Variants in HIVEP3 observed in about 807,000 individuals in gnomAD.
HIVEP3 encodes HIVEP zinc finger 3, also known as transcription factor HIVEP3.
Under a neutral mutation model 152.8 loss-of-function variants are expected in HIVEP3, and 49 were observed. The ratio of observed to expected loss-of-function variants is 0.32; its 90% CI spans 0.26 to 0.41. HIVEP3 has a LOEUF of 0.41. Among genes scored for constraint, HIVEP3 ranks in the 10% least tolerant of loss-of-function variants. HIVEP3 has a pLI of 1.00. For missense variants in HIVEP3, 2,790 were observed against 3,103.3 expected, an observed-to-expected ratio of 0.90 and a Z score of 2.40; for synonymous variants, 1,269 against 1,289.0, an observed-to-expected ratio of 0.98 and a Z score of 0.33.
At chr1:41,736,133 C>T (rs1307842361) in intron 1 of HIVEP3, among the ~76,000 whole-genome samples, 4 of 152,284 alleles carry the variant, frequency 2.6e-5, no homozygotes, top group Admixed American at 6.5e-5. Flanking sequence ...CAGCCCTTCA[C>T]GCTCCCACTT....
intron 2 of HIVEP3, among the ~76,000 whole-genome samples, chr1:41,695,841 T>C (rs1457536859): frequency 1.3e-5 from 2 of 152,188 alleles, no homozygotes; most frequent in African/African-American, 2.4e-5. Flanking sequence ...TTTGGACAAA[T>C]AATCCCAACG....
chr1:41,901,736 C>T (rs1329819338), intron 1 of HIVEP3, among the ~76,000 whole-genome samples: 2 of 152,044 alleles, frequency 1.3e-5, no homozygotes, highest in South Asian at 2.1e-4. Context: ...AGGGCTGAAG[C>T]GGAGGAGGGA....
At chr1:41,958,018 A>G (rs186701172) in intron 1 of HIVEP3, among the ~76,000 whole-genome samples, 24 of 152,328 alleles carry the variant, frequency 1.6e-4, no homozygotes, top group Non-Finnish European at 2.4e-4. Context: ...AGTTTGGCAT[A>G]TATGGACTCC....
chr1:41,837,765 C>G (rs1265627774), intron 1 of HIVEP3, among the ~76,000 whole-genome samples: 3 of 152,214 alleles, frequency 2.0e-5, no homozygotes, highest in Non-Finnish European at 4.4e-5. Context: ...CCCTGAATCC[C>G]TAGCCCTGGA....
chr1:41,611,630 T>A (rs1644898002), intron 3 of HIVEP3, among the ~76,000 whole-genome samples: 1 of 152,164 alleles, frequency 6.6e-6, no homozygotes, highest in African/African-American at 2.4e-5. Context: ...CACTTCCCCA[T>A]TTCACCTCCA....
chr1:41,529,956 G>A (rs1213557644), intron 5 of HIVEP3, among the ~76,000 whole-genome samples: 10 of 64,522 alleles, frequency 1.5e-4, no homozygotes, highest in African/African-American at 6.1e-4. Context: ...ACCCTAACAC[G>A]CTCACAGTCA....
intron 1 of HIVEP3, among the ~76,000 whole-genome samples, chr1:41,827,860 T>C (rs889731802): frequency 2.0e-5 from 3 of 151,804 alleles, no homozygotes; most frequent in Non-Finnish European, 2.9e-5. Context: ...TGGGCAGGGC[T>C]TGGGGGGCAT....
chr1:41,584,473 T>G lies in HIVEP3; in HGVS notation c.325A>C (p.Lys109Gln). The change falls in exon 4 of 9, where the codon AAA becomes CAA. Residue 109 changes from lysine to glutamine, a missense_variant. Lys to Gln is a moderately conservative substitution (Grantham distance 53). Around this residue, in one of 9 missense-constraint regions of HIVEP3, gnomAD observed 209 missense variants for 237.0 expected, o/e 0.88. Transcript: ENST00000372583. The surrounding 1 kb of genome is among the most constrained non-coding windows in gnomAD (Gnocchi z 5.2). ...PLTPAFMSPG[K>Q]PEHLLEGSTW... ...GACCCCTCCAGGAGATGCTCAGGTT[T>G]GCCAGGCGACATGAATGCTGGTGTC... 6.2e-7 allele frequency: 1 copy of G among 1,614,096 alleles called. No homozygotes were observed.
intron 2 of HIVEP3, among the ~76,000 whole-genome samples, chr1:41,629,658 C>T (rs1439608320): frequency 6.6e-6 from 1 of 152,004 alleles, no homozygotes; most frequent in Non-Finnish European, 1.5e-5. Context: ...CAAGTGGCCA[C>T]CAAACATGAA....
intron 1 of HIVEP3, chr1:41,847,685 T>A (rs1311423663): frequency 6.6e-6 from 1 of 151,992 alleles, no homozygotes; most frequent in African/African-American, 2.4e-5. Context: ...GCGATGAGAG[T>A]AGAACGCTGA....
Position 41,580,358 on chromosome 1 carries a change from C to A in HIVEP3, c.4440G>T (p.Arg1480Ser). ...VVLTSTEDGK[R>S]PEKSHLGNQG... is the part of the protein sequence containing the mutation. Reference sequence around the variant, plus strand: ...GGTTGCCTAAGTGGGATTTCTCTGGCCTCTTCCCATCCTCGGTGCTGGTAA... The same window carrying A: ...GGTTGCCTAAGTGGGATTTCTCTGGACTCTTCCCATCCTCGGTGCTGGTAA... Residue 1480 changes from arginine to serine, a missense_variant, in exon 4 of 9, where the codon AGG becomes AGT. Transcript: ENST00000372583. The A allele has an allele frequency of 1.2e-6, 2 of 1,614,194 alleles. No homozygotes were observed. The highest frequency in any genetic ancestry group is 2.2e-5 in the South Asian group (2 of 91,084).
intron 1 of HIVEP3, among the ~76,000 whole-genome samples, chr1:41,866,178 G>A (rs1643968994): frequency 6.6e-6 from 1 of 152,238 alleles, no homozygotes; most frequent in Non-Finnish European, 1.5e-5. Context: ...GGGTGCAGCT[G>A]CCTTGGGACT....
intron 3 of HIVEP3, among the ~76,000 whole-genome samples, chr1:41,591,730 G>T (rs1303406887): frequency 6.6e-6 from 1 of 151,918 alleles, no homozygotes; most frequent in Non-Finnish European, 1.5e-5. Context: ...TGGCAGAGCG[G>T]CTCTGTCTTG....
At chr1:41,721,499 C>G (rs1435830834) in intron 1 of HIVEP3, among the ~76,000 whole-genome samples, 2 of 152,148 alleles carry the variant, frequency 1.3e-5, no homozygotes, top group Non-Finnish European at 2.9e-5. Context: ...AGCCACCATG[C>G]CTGACCCTTA....
intron 1 of HIVEP3, among the ~76,000 whole-genome samples, chr1:41,964,491 T>A: frequency 6.6e-6 from 1 of 152,098 alleles, no homozygotes; most frequent in East Asian, 1.9e-4. Flanking sequence ...CAGTGGCCAC[T>A]GGCAGCAGGC....
chr1:41,611,220 A>G (rs1644892285), intron 3 of HIVEP3, among the ~76,000 whole-genome samples: 1 of 152,206 alleles, frequency 6.6e-6, no homozygotes, highest in Non-Finnish European at 1.5e-5. Context: ...ATGGATGATA[A>G]CGTAACCCAG....
At chr1:41,623,312 C>T (rs1645071312) in intron 3 of HIVEP3, among the ~76,000 whole-genome samples, 2 of 152,304 alleles carry the variant, frequency 1.3e-5, no homozygotes, top group Admixed American at 6.5e-5. Flanking sequence ...ACAAGGCTGC[C>T]CCTCTCCAAG....
chr1:41,847,344 T>TTACA (rs934275883), intron 1 of HIVEP3: 8 of 152,218 alleles, frequency 5.3e-5, no homozygotes, highest in African/African-American at 1.4e-4. Flanking sequence ...CTAAGCTTGT[T>TTACA]GCTCTAGAAA....
chr1:41,681,778 A>G (rs904383201), intron 2 of HIVEP3, among the ~76,000 whole-genome samples: 24 of 152,172 alleles, frequency 1.6e-4, no homozygotes, highest in Admixed American at 1.1e-3. Flanking sequence ...GTTCAGCTAC[A>G]TAAGTTCCAC....
Sources: allele counts gnomAD v4.1 joint callset (sites outside exome capture counted in the v4.1 genomes callset), GRCh38; gene constraint gnomAD v4.1.1; regional missense constraint gnomAD v4.1.1; non-coding constraint Gnocchi (gnomAD v3.1); transcripts MANE v1.5; gene names NCBI Gene and HGNC (gene_info 2026-07-23, HGNC 2026-07-21).